Variants in DLGAP1 observed in about 807,000 individuals in gnomAD.
DLGAP1 encodes disks large-associated protein 1.
DLGAP1 carries 11 observed loss-of-function variants against 90.8 expected under a neutral mutation model. The ratio of observed to expected loss-of-function variants is 0.12; its 90% CI spans 0.08 to 0.20. The LOEUF (loss-of-function observed/expected upper bound fraction) is 0.20. Among genes scored for constraint, DLGAP1 ranks in the 10% least tolerant of loss-of-function variants. The pLI is 1.00. For missense variants in DLGAP1, 1,050 were observed against 1,333.8 expected (o/e 0.79, Z 3.31); for synonymous variants, 558 against 540.7 (o/e 1.03, Z -0.44).
intron 1 of DLGAP1, among the ~76,000 whole-genome samples, chr18:4,306,407 T>TA (rs1056150474): frequency 2.1e-5 from 3 of 144,856 alleles, no homozygotes; most frequent in Admixed American, 7.0e-5. Context: ...GATATGAGAA[T>TA]AAAAAAAGAG....
intron 2 of DLGAP1, among the ~76,000 whole-genome samples, chr18:4,057,033 ACACAC>A (rs1414174819): frequency 6.7e-6 from 1 of 150,318 alleles, no homozygotes; most frequent in Non-Finnish European, 1.5e-5. Flanking sequence ...ACACACACAC[ACACAC>A]ACACACACAC....
intron 7 of DLGAP1, among the ~76,000 whole-genome samples, chr18:3,707,024 G>A (rs550232450): frequency 1.3e-5 from 2 of 152,168 alleles, no homozygotes; most frequent in Non-Finnish European, 2.9e-5. Context: ...AAAGTATTAC[G>A]CATGCAATTG....
intron 1 of DLGAP1, among the ~76,000 whole-genome samples, chr18:4,168,418 C>T (rs921465573): frequency 6.6e-6 from 1 of 152,060 alleles, no homozygotes; most frequent in African/African-American, 2.4e-5. Context: ...AAACATCATG[C>T]CTCATACAAA....
intron 1 of DLGAP1, among the ~76,000 whole-genome samples, chr18:4,152,738 A>T (rs1281193467): frequency 6.6e-6 from 1 of 152,192 alleles, no homozygotes; most frequent in Non-Finnish European, 1.5e-5. Context: ...CTCTTTATCC[A>T]TGACATAGAA....
rs148983446 is a variant in DLGAP1 at position 3,660,858 on chromosome 18, A to G, written c.1591+68277T>C. Among the ~76,000 whole-genome samples the G allele has an allele frequency of 2.7e-3, 412 of 152,336 alleles. 2 individuals are homozygous for G. Among genetic ancestry groups the G allele is most frequent in the African/African-American group, 9.5e-3 (395 of 41,586 alleles). ...ACTAACTTTATATTCAAATACCTCA[A>G]TAATCTGCAGTTCTCTTGTCTCAAC... On this transcript the variant is annotated intron_variant, in intron 7 of 12. Coordinates refer to ENST00000315677, the MANE Select transcript of DLGAP1 (RefSeq NM_004746.4). The surrounding 1 kb of genome is among the most constrained non-coding windows in gnomAD (Gnocchi z 4.2).
chr18:4,224,570 C>G (rs879488644), intron 1 of DLGAP1, among the ~76,000 whole-genome samples: 1 of 152,132 alleles, frequency 6.6e-6, no homozygotes, highest in African/African-American at 2.4e-5. Context: ...GCAATACAAC[C>G]TGCAGGCCTG....
At chr18:4,387,801 T>C (rs945093354) in intron 1 of DLGAP1, among the ~76,000 whole-genome samples, 3 of 152,058 alleles carry the variant, frequency 2.0e-5, no homozygotes, top group African/African-American at 7.2e-5. Flanking sequence ...CATGGTGGTG[T>C]GTGCCTGTAG....
At chr18:3,975,274 A>G (rs887802227) in intron 3 of DLGAP1, among the ~76,000 whole-genome samples, 5 of 152,218 alleles carry the variant, frequency 3.3e-5, no homozygotes, top group Admixed American at 6.5e-5. Flanking sequence ...AAACATCCCC[A>G]TCAAAAATGG....
At chr18:3,531,993 T>G (rs1375446216) in intron 10 of DLGAP1, among the ~76,000 whole-genome samples, 2 of 152,088 alleles carry the variant, frequency 1.3e-5, no homozygotes, top group African/African-American at 4.8e-5. Context: ...TAGCTGGGAT[T>G]ACAGGCGTGT....
At chr18:3,561,081 A>G (rs1352515637) in intron 9 of DLGAP1, among the ~76,000 whole-genome samples, 1 of 150,614 alleles carries the variant, frequency 6.6e-6, no homozygotes, top group African/African-American at 2.5e-5. Flanking sequence ...CATTTTTGCA[A>G]TTGCTATTTT....
intron 1 of DLGAP1, among the ~76,000 whole-genome samples, chr18:4,394,233 T>C (rs1191360008): frequency 6.6e-6 from 1 of 152,216 alleles, no homozygotes; most frequent in Non-Finnish European, 1.5e-5. Context: ...AAAAAACGTA[T>C]TCATTTACTA....
chr18:3,714,090 C>T (rs562232574), intron 7 of DLGAP1, among the ~76,000 whole-genome samples: 1 of 152,278 alleles, frequency 6.6e-6, no homozygotes, highest in South Asian at 2.1e-4. Context: ...AGAATTTTAT[C>T]TAAGCACCAC....
chr18:4,403,170 G>A (rs117694414), intron 1 of DLGAP1, among the ~76,000 whole-genome samples: 2,127 of 152,190 alleles, frequency 0.014, 19 homozygotes, highest in Middle Eastern at 0.031. Flanking sequence ...CCCTACTGCT[G>A]TTTAAAAGTG....
In DLGAP1 at chr18:4,044,738, C is replaced by T. The variant is rs367802154; in HGVS notation, c.-158-39537G>A. On this transcript the variant is annotated intron_variant, in intron 2 of 12. Transcript: ENST00000315677. ...CCTGGGCAACAGAGCAAGACTCCCTCACCAAAAACAAAACAAAAAACAAAC... is the reference window on the plus strand; with the variant it reads ...CCTGGGCAACAGAGCAAGACTCCCTTACCAAAAACAAAACAAAAAACAAAC... 3.9e-5 allele frequency among the ~76,000 whole-genome samples: 6 copies of T among 152,174 alleles called. No homozygotes were observed. The East Asian group carries it at 1.2e-3, about 29-fold the overall frequency.
At chr18:3,523,658 T>C (rs62083984) in intron 10 of DLGAP1, among the ~76,000 whole-genome samples, 11,229 of 151,676 alleles carry the variant, frequency 0.074, 533 homozygotes, top group African/African-American at 0.13. Flanking sequence ...CCATCCTGGC[T>C]AACACGGTGA....
intron 1 of DLGAP1, among the ~76,000 whole-genome samples, chr18:4,434,128 G>A (rs951371388): frequency 5.3e-5 from 8 of 151,666 alleles, no homozygotes; most frequent in Non-Finnish European, 8.8e-5. Flanking sequence ...TCTATTTTAT[G>A]AATTAAAACC....
rs182573284 is a variant in DLGAP1, at chr18:4,378,940, G to A, written c.-267+76066C>T. On this transcript the variant is annotated intron_variant, in intron 1 of 12. Coordinates refer to ENST00000315677, the MANE Select transcript of DLGAP1 (RefSeq NM_004746.4). The surrounding 1 kb of genome is among the most constrained non-coding windows in gnomAD (Gnocchi z 4.5). Reference sequence around the variant, plus strand: ...TACACACCCACCACTCCCCTCCAGAGAGAGTGAGTCCCTGCTTATCCATGT... The same window carrying A: ...TACACACCCACCACTCCCCTCCAGAAAGAGTGAGTCCCTGCTTATCCATGT... Among the ~76,000 whole-genome samples, 59 of 152,210 alleles carry A rather than the reference G, an allele frequency of 3.9e-4. No individual in the cohort carries two copies. Among genetic ancestry groups the A allele is most frequent in the Non-Finnish European group, 7.5e-4 (51 of 68,000 alleles).
intron 2 of DLGAP1, among the ~76,000 whole-genome samples, chr18:4,105,069 G>C (rs1411371939): frequency 6.6e-6 from 1 of 152,192 alleles, no homozygotes; most frequent in Non-Finnish European, 1.5e-5. Context: ...CCAGGACACA[G>C]AGATGAGTCA....
At chr18:3,871,567 T>C (rs577805868) in intron 4 of DLGAP1, among the ~76,000 whole-genome samples, 41 of 152,350 alleles carry the variant, frequency 2.7e-4, no homozygotes, top group African/African-American at 9.6e-4. Flanking sequence ...TTCTCCCTTA[T>C]TAAGGGGACT....
Sources: gnomAD v4.1 joint callset for allele counts (sites outside exome capture counted in the v4.1 genomes callset) on GRCh38, gnomAD v4.1.1 for gene constraint, Gnocchi (gnomAD v3.1) non-coding constraint, MANE v1.5 for transcripts, NCBI Gene and HGNC (gene_info 2026-07-23, HGNC 2026-07-21) for gene names.